The following MAD2L1BP variants were observed in gnomAD, a reference collection of about 807,000 sequenced individuals.
The protein encoded by MAD2L1BP is MAD2L1-binding protein.
A neutral mutation model predicts 28.4 loss-of-function variants in MAD2L1BP; 22 were observed. The observed-to-expected ratio is 0.77, with a 90% CI of 0.55 to 1.10. The LOEUF (loss-of-function observed/expected upper bound fraction) is 1.10. Ranked by LOEUF, MAD2L1BP falls within the 50% of genes least tolerant of loss-of-function variation. The pLI, the probability that MAD2L1BP is intolerant of heterozygous loss-of-function variation, is 0.00. For synonymous variants in MAD2L1BP, 146 were observed against 133.7 expected (o/e 1.09, Z -0.63); for missense variants, 325 against 350.5 (o/e 0.93, Z 0.58).
At chr6:43,633,690 G>A (rs908392590), upstream of MAD2L1BP, among the ~76,000 whole-genome samples, 1 of 152,228 alleles carries the variant, frequency 6.6e-6, no homozygotes, top group East Asian at 1.9e-4. Flanking sequence ...ACAGGCATGA[G>A]CCACCATGCC....
chr6:43,640,398 C>T lies in MAD2L1BP; in HGVS notation c.690C>T (p.Leu230=), dbSNP rs757043059. 1 of 1,613,982 alleles carries T rather than the reference C, an allele frequency of 6.2e-7. No individual in the cohort carries two copies. Among genetic ancestry groups the T allele is most frequent in the South Asian group, 1.1e-5 (1 of 91,082 alleles). The change falls in exon 3 of 3, where the codon CTC becomes CTT. Residue 230 remains leucine (L), a synonymous_variant. Coordinates refer to ENST00000372171, the MANE Select transcript of MAD2L1BP (RefSeq NM_014628.3). ...NCGEDWFRPK[L]NYRVPSRGHK... ...GAGAAGATTGGTTTCGACCCAAGCT[C>T]AACTATCGAGTGCCCAGCCGGGGCC... is the stretch of plus-strand genomic sequence containing the variant.
chr6:43,638,579 G>A (rs1407268957), intron 2 of MAD2L1BP, among the ~76,000 whole-genome samples: 1 of 151,652 alleles, frequency 6.6e-6, no homozygotes, highest in Non-Finnish European at 1.5e-5. Flanking sequence ...GGCGAATCAC[G>A]AGGTCAGGAG....
upstream of MAD2L1BP, among the ~76,000 whole-genome samples, chr6:43,634,376 C>T (rs1770086938): frequency 6.6e-6 from 1 of 151,846 alleles, no homozygotes; most frequent in Non-Finnish European, 1.5e-5. Flanking sequence ...TGCACCACCA[C>T]ACCTGGCTAA....
intron 1 of MAD2L1BP, among the ~76,000 whole-genome samples, 180 bp from the exon 2 acceptor site, chr6:43,636,201 G>C (rs1770209267): frequency 6.6e-6 from 1 of 152,172 alleles, no homozygotes; most frequent in African/African-American, 2.4e-5. Flanking sequence ...ATCTCCTCAG[G>C]CAACAGGGAT....
chr6:43,632,120 G>A (rs1390262419), upstream of MAD2L1BP, among the ~76,000 whole-genome samples: 2 of 152,046 alleles, frequency 1.3e-5, no homozygotes, highest in African/African-American at 4.8e-5. Flanking sequence ...GGCTGGACTC[G>A]AACTCCCAAC....
Position 43,636,508 on chromosome 6 carries a change from G to GGTGT in MAD2L1BP, c.175_178dup (p.Phe60CysfsTer17), listed in dbSNP as rs763320003. The GGTGT allele has an allele frequency of 6.2e-7, 1 of 1,614,166 alleles. No individual in the cohort carries two copies. The highest frequency in any genetic ancestry group is 1.1e-5 in the South Asian group (1 of 91,086). On this transcript the variant is annotated frameshift_variant, in exon 2 of 3. Transcript: ENST00000372171. LOFTEE classifies it high-confidence loss of function. ...GCCCAAGAGACTGCATGGTACCAGTGGTGTTTCCTGGGCCTGTGAGCCAGG... is the reference window on the plus strand; with the variant it reads ...GCCCAAGAGACTGCATGGTACCAGTGGTGTGTGTTTCCTGGGCCTGTGAGCCAGG...
rs1247194985 is a variant in MAD2L1BP, at chr6:43,630,515, T to C, written c.20+746T>C. Among the ~76,000 whole-genome samples, 4 of 152,136 alleles carry C rather than the reference T, an allele frequency of 2.6e-5. No individual in the cohort carries two copies. In the East Asian group the frequency reaches 7.7e-4, roughly 29 times the overall value. ...CAGCACTTTGGGAGGCCAAGGAGTG[T>C]GCGGATCACCTGAAGTCAGGTGTTC... On this transcript the variant is annotated intron_variant, in intron 1 of 3. Coordinates refer to the MAD2L1BP transcript ENST00000451025.
upstream of MAD2L1BP, among the ~76,000 whole-genome samples, chr6:43,632,723 T>G (rs527583564): frequency 3.3e-5 from 5 of 150,630 alleles, no homozygotes; most frequent in East Asian, 9.8e-4. Flanking sequence ...CAGACTGGTC[T>G]TAAACTTCTG....
At chr6:43,634,839 G>A (rs1394448984), upstream of MAD2L1BP, among the ~76,000 whole-genome samples, 1 of 152,110 alleles carries the variant, frequency 6.6e-6, no homozygotes, top group Non-Finnish European at 1.5e-5. Context: ...GATTACAGGC[G>A]TGAGCCACCG....
At position 43,635,867 on chromosome 6, in the gene MAD2L1BP, G is replaced by T. The variant is rs1770180006; in HGVS notation, c.-9G>T. The T allele has an allele frequency of 2.7e-6, 4 of 1,478,080 alleles. No homozygotes were observed. Among genetic ancestry groups the T allele is most frequent in the Non-Finnish European group, 3.6e-6 (4 of 1,121,058 alleles). 91.6% of individuals were successfully genotyped at this position (1,478,080 alleles called of 1,614,324 possible). On this transcript the variant is annotated 5_prime_UTR_variant, in exon 1 of 3. Coordinates refer to ENST00000372171, the MANE Select transcript of MAD2L1BP (RefSeq NM_014628.3). ...TCTAACCGCAAGGAGTAGCGGAGGGGAGGTCGTGATGGCGGCGCCGGAGGC... is the reference window on the plus strand; with the variant it reads ...TCTAACCGCAAGGAGTAGCGGAGGGTAGGTCGTGATGGCGGCGCCGGAGGC...
At chr6:43,635,615 G>A (rs1770157224), upstream of MAD2L1BP, among the ~76,000 whole-genome samples, 2 of 152,264 alleles carry the variant, frequency 1.3e-5, no homozygotes, top group Non-Finnish European at 1.5e-5. Flanking sequence ...GATGCAAGAG[G>A]GCTGGTGTCT....
Position 43,640,841 on chromosome 6 carries a change from C to G in MAD2L1BP, c.*308C>G. ...GTCCATAGACACTCTATGGAGGTGTCCCTTTCTGCTCTTTGCTGTGTCCTT... is the reference window on the plus strand; with the variant it reads ...GTCCATAGACACTCTATGGAGGTGTGCCTTTCTGCTCTTTGCTGTGTCCTT... On this transcript the variant is annotated 3_prime_UTR_variant, in exon 3 of 3. Coordinates refer to ENST00000372171, the MANE Select transcript of MAD2L1BP (RefSeq NM_014628.3). 3.6e-6 allele frequency: 1 copy of G among 279,930 alleles called. No homozygotes were observed. The highest frequency in any genetic ancestry group is 5.6e-5 in the East Asian group (1 of 17,930). The allele number at this position is 279,930 out of a possible 1,614,324, so 17.3% of individuals were successfully genotyped here. A position where few individuals can be genotyped will look rare whatever the true frequency, so the allele number is the denominator to read the frequency against.
upstream of MAD2L1BP, among the ~76,000 whole-genome samples, chr6:43,632,292 CCTT>C (rs1769970565): frequency 7.1e-6 from 1 of 140,516 alleles, no homozygotes; most frequent in Admixed American, 7.2e-5. Flanking sequence ...GGTAGGGTCT[CCTT>C]CTGTCACCCA....
chr6:43,632,222 G>A (rs546322188), upstream of MAD2L1BP, among the ~76,000 whole-genome samples: 8 of 149,758 alleles, frequency 5.3e-5, no homozygotes, highest in Admixed American at 2.7e-4. Flanking sequence ...TAAGGGTGGC[G>A]AGGAGGAGGA....
upstream of MAD2L1BP, among the ~76,000 whole-genome samples, chr6:43,631,565 C>A (rs956073905): frequency 6.6e-6 from 1 of 152,166 alleles, no homozygotes; most frequent in Admixed American, 6.5e-5. Flanking sequence ...CTCATTGCAG[C>A]CTCAACCTCC....
In MAD2L1BP at chr6:43,636,647, G is replaced by A. The variant is rs1389223413; in HGVS notation, c.312+1G>A. 3.1e-6 allele frequency: 5 copies of A among 1,611,408 alleles called. No individual in the cohort carries two copies. Among genetic ancestry groups the A allele is most frequent in the Non-Finnish European group, 4.2e-6 (5 of 1,177,698 alleles). On this transcript the variant is annotated splice_donor_variant, in intron 2 of 2. Transcript: ENST00000372171. LOFTEE classifies it high-confidence loss of function. Reference sequence around the variant, plus strand: ...CTTTTACCGAAAACCTTCTCCCCAGGTAGGCACAGGCTTTGGGAGCAAGTT... The same window carrying A: ...CTTTTACCGAAAACCTTCTCCCCAGATAGGCACAGGCTTTGGGAGCAAGTT...
chr6:43,635,665 C>A (rs1286344581), upstream of MAD2L1BP, among the ~76,000 whole-genome samples: 1 of 152,228 alleles, frequency 6.6e-6, no homozygotes, highest in Non-Finnish European at 1.5e-5. Flanking sequence ...CTCCTGGGTT[C>A]CCTGCTGGGC....
At chr6:43,635,179 A>G (rs960654149), upstream of MAD2L1BP, among the ~76,000 whole-genome samples, 2 of 152,188 alleles carry the variant, frequency 1.3e-5, no homozygotes, top group African/African-American at 2.4e-5. Context: ...GATCAAGTCC[A>G]AACTCTCACG....
chr6:43,634,207 T>G (rs1770071388), upstream of MAD2L1BP, among the ~76,000 whole-genome samples: 1 of 139,522 alleles, frequency 7.2e-6, no homozygotes, highest in Non-Finnish European at 1.5e-5. Flanking sequence ...ATCCTTTTTT[T>G]TTTTCTTTTT....
Sources: allele counts gnomAD v4.1 joint callset (sites outside exome capture counted in the v4.1 genomes callset), GRCh38; gene constraint gnomAD v4.1.1; transcripts MANE v1.5; gene names NCBI Gene and HGNC (gene_info 2026-07-23, HGNC 2026-07-21).